MATN2: variants seen among roughly 807,000 people sequenced by gnomAD.
MATN2 encodes matrilin 2.
Under a neutral mutation model 103.2 loss-of-function variants are expected in MATN2, and 69 were observed. That is an observed-to-expected ratio of 0.67 (90% CI 0.55 to 0.82). The LOEUF (loss-of-function observed/expected upper bound fraction) is 0.82. MATN2 is among the 40% of genes least tolerant of loss of function. The pLI, the probability that MATN2 is intolerant of heterozygous loss-of-function variation, is 0.00. For missense variants in MATN2, 1,023 were observed against 1,211.5 expected (o/e 0.84, Z 2.31); for synonymous variants, 429 against 450.2 (o/e 0.95, Z 0.60).
intron 1 of MATN2, among the ~76,000 whole-genome samples, chr8:97,878,104 A>T (rs1184208955): frequency 6.6e-6 from 1 of 152,262 alleles, no homozygotes; most frequent in East Asian, 1.9e-4. Context: ...TATAAAATGA[A>T]AAAAGCAGTT....
At chr8:97,895,511 T>C (rs1444718474) in intron 2 of MATN2, among the ~76,000 whole-genome samples, 5 of 152,226 alleles carry the variant, frequency 3.3e-5, no homozygotes, top group African/African-American at 9.6e-5. Context: ...AAGACCTCCA[T>C]TGAGGGACCA....
At chr8:97,912,816 C>T in intron 2 of MATN2, among the ~76,000 whole-genome samples, 1 of 152,144 alleles carries the variant, frequency 6.6e-6, no homozygotes, top group East Asian at 1.9e-4. Context: ...ATCAAAGAGG[C>T]CAAGATGCTG....
intron 2 of MATN2, among the ~76,000 whole-genome samples, chr8:97,900,413 T>C (rs987068856): frequency 2.2e-4 from 34 of 152,286 alleles, no homozygotes; most frequent in African/African-American, 7.7e-4. Flanking sequence ...TGATGGATTA[T>C]GTGTACTGTG....
chr8:97,884,386 C>T (rs1489370589), intron 1 of MATN2, among the ~76,000 whole-genome samples: 1 of 151,832 alleles, frequency 6.6e-6, no homozygotes, highest in Non-Finnish European at 1.5e-5. Context: ...GTGATACACC[C>T]ACCTTAGCCT....
intron 5 of MATN2, among the ~76,000 whole-genome samples, chr8:97,974,522 C>T (rs1251477164): frequency 1.3e-5 from 2 of 152,204 alleles, no homozygotes; most frequent in Non-Finnish European, 2.9e-5. Context: ...TCTTGGCTCA[C>T]TGCAACCTCC....
chr8:97,942,003 C>A, intron 4 of MATN2, 104 bp downstream of exon 4: 1 of 1,389,716 alleles, frequency 7.2e-7, no homozygotes, highest in East Asian at 2.5e-5. Flanking sequence ...CTCACCCACC[C>A]CAGTTATCAT....
intron 3 of MATN2, among the ~76,000 whole-genome samples, chr8:97,938,187 G>T (rs1373917600): frequency 6.6e-6 from 1 of 152,190 alleles, no homozygotes; most frequent in Non-Finnish European, 1.5e-5. Flanking sequence ...ATTATGGAGA[G>T]AGACAGTGAC....
At chr8:98,014,824 CAA>C (rs1028577961) in intron 10 of MATN2, among the ~76,000 whole-genome samples, 1 of 151,980 alleles carries the variant, frequency 6.6e-6, no homozygotes, top group Admixed American at 6.6e-5. Flanking sequence ...GATGCTTTAC[CAA>C]AAAAAGTGTG....
At chr8:97,977,123 C>T (rs1811861685) in intron 5 of MATN2, among the ~76,000 whole-genome samples, 1 of 149,272 alleles carries the variant, frequency 6.7e-6, no homozygotes, top group Non-Finnish European at 1.5e-5. Context: ...GTAGTCCCAG[C>T]TACTTGGATG....
intron 1 of MATN2, among the ~76,000 whole-genome samples, chr8:97,871,448 C>T (rs1156478689): frequency 1.3e-5 from 2 of 152,154 alleles, no homozygotes; most frequent in Admixed American, 6.5e-5. Context: ...TGGTTTAAGA[C>T]CAGTCAAGTT....
chr8:97,920,670 GGGGCATAA>G (rs1439369682), intron 2 of MATN2, among the ~76,000 whole-genome samples: 1 of 152,174 alleles, frequency 6.6e-6, no homozygotes, highest in East Asian at 1.9e-4. Flanking sequence ...TGAGATGACT[GGGGCATAA>G]GGTGGTGTGG....
chr8:97,918,587 G>A (rs771013593), intron 2 of MATN2, among the ~76,000 whole-genome samples: 16 of 152,188 alleles, frequency 1.1e-4, no homozygotes, highest in Non-Finnish European at 1.5e-4. Flanking sequence ...TGAATCACTG[G>A]GGCCTGAGCG....
At position 97,935,042 on chromosome 8, in the gene MATN2, T is replaced by A. The variant is rs115852925; in HGVS notation, c.712+3520T>A. On this transcript the variant is annotated intron_variant, in intron 3 of 18. Transcript: ENST00000254898. ...TGCTAGGTACTTTCAAATACAGTATTCCACTTAATACTTAAAATAGCCGTT... is the reference window on the plus strand; with the variant it reads ...TGCTAGGTACTTTCAAATACAGTATACCACTTAATACTTAAAATAGCCGTT... 4.2e-3 allele frequency among the ~76,000 whole-genome samples: 644 copies of A among 152,278 alleles called. 5 individuals are homozygous for A. Among genetic ancestry groups the A allele is most frequent in the African/African-American group, 0.014 (600 of 41,546 alleles).
chr8:97,967,970 C>A (rs1438522101), intron 5 of MATN2, among the ~76,000 whole-genome samples: 2 of 152,254 alleles, frequency 1.3e-5, no homozygotes, highest in Non-Finnish European at 2.9e-5. Flanking sequence ...AAGACATACT[C>A]TGAAGTCTAG....
chr8:97,928,855 A>G (rs933393868), intron 2 of MATN2, among the ~76,000 whole-genome samples: 6 of 152,210 alleles, frequency 3.9e-5, no homozygotes, highest in African/African-American at 1.4e-4. Flanking sequence ...CTTTTTCTAA[A>G]TTATGAAAGA....
chr8:97,922,490 G>A (rs6995084), intron 2 of MATN2, among the ~76,000 whole-genome samples: 11,218 of 152,180 alleles, frequency 0.074, 1,359 homozygotes, highest in African/African-American at 0.25. Context: ...TTTTTCAGAC[G>A]TGGGTAAAAT....
intron 3 of MATN2, among the ~76,000 whole-genome samples, chr8:97,932,304 G>A (rs1456664889): frequency 6.6e-6 from 1 of 152,098 alleles, no homozygotes; most frequent in Non-Finnish European, 1.5e-5. Context: ...TGGATGGTGT[G>A]GAATACCAAG....
chr8:97,952,735 A>G (rs1339825118), intron 4 of MATN2, among the ~76,000 whole-genome samples: 1 of 152,094 alleles, frequency 6.6e-6, no homozygotes, highest in Non-Finnish European at 1.5e-5. Context: ...GCTGACTGTC[A>G]GATACATGCT....
At chr8:97,903,558 T>G (rs1459117261) in intron 2 of MATN2, among the ~76,000 whole-genome samples, 1 of 151,896 alleles carries the variant, frequency 6.6e-6, no homozygotes, top group African/African-American at 2.4e-5. Context: ...CCTAGGTGAG[T>G]GTGGGAAGGA....
Sources: gnomAD v4.1 joint callset for allele counts (sites outside exome capture counted in the v4.1 genomes callset) on GRCh38, gnomAD v4.1.1 for gene constraint, MANE v1.5 for transcripts, NCBI Gene and HGNC (gene_info 2026-07-23, HGNC 2026-07-21) for gene names.